Variants in JPT2 observed in about 807,000 individuals in gnomAD.
JPT2 encodes CRAMP_1 like.
Under a neutral mutation model 15.9 loss-of-function variants are expected in JPT2, and 9 were observed. The observed-to-expected ratio is 0.57, with a 90% CI of 0.34 to 0.99. The LOEUF (loss-of-function observed/expected upper bound fraction) is 0.99, where lower values mean the gene tolerates loss of function less well. Among genes scored for constraint, JPT2 ranks in the 50% least tolerant of loss-of-function variants. The pLI, the probability that JPT2 is intolerant of heterozygous loss-of-function variation, is 0.02. For missense variants in JPT2, 267 were observed against 252.1 expected (o/e 1.06, Z -0.40); for synonymous variants, 95 against 91.7 (o/e 1.04, Z -0.21).
intron 2 of JPT2, among the ~76,000 whole-genome samples, chr16:1,686,940 G>A (rs771742508): frequency 3.9e-4 from 59 of 152,088 alleles, no homozygotes; most frequent in Non-Finnish European, 7.2e-4. Flanking sequence ...TTGACCAAAT[G>A]TAGAGGAAAA....
chr16:1,682,045 C>T (rs2037027098), intron 1 of JPT2, among the ~76,000 whole-genome samples: 1 of 152,222 alleles, frequency 6.6e-6, no homozygotes, highest in Non-Finnish European at 1.5e-5. Flanking sequence ...ACTGTAGAGA[C>T]CCGTGCATGT....
intron 1 of JPT2, among the ~76,000 whole-genome samples, chr16:1,683,143 A>AT (rs2037037293): frequency 6.6e-6 from 1 of 151,138 alleles, no homozygotes; most frequent in African/African-American, 2.4e-5. Context: ...CGCCCGGCTA[A>AT]TTTTTTGTAT....
At chr16:1,685,619 G>A (rs1176845636) in intron 2 of JPT2, 32 bp downstream of exon 2, 1 of 1,590,386 alleles carries the variant, frequency 6.3e-7, no homozygotes, top group East Asian at 2.2e-5. Flanking sequence ...TAATCCTTTG[G>A]CCTCCACGAT....
At chr16:1,693,021 A>T (rs1292263274) in intron 3 of JPT2, among the ~76,000 whole-genome samples, 2 of 152,234 alleles carry the variant, frequency 1.3e-5, no homozygotes, top group Non-Finnish European at 2.9e-5. Flanking sequence ...GCATCTCTGC[A>T]GCGACATCTC....
intron 3 of JPT2, among the ~76,000 whole-genome samples, chr16:1,693,445 T>C (rs537972912): frequency 6.6e-6 from 1 of 152,174 alleles, no homozygotes; most frequent in Non-Finnish European, 1.5e-5. Flanking sequence ...GAAGTATCTT[T>C]GGGGGCTTTA....
At chr16:1,686,245 C>T (rs1596506285) in intron 2 of JPT2, 1 of 151,216 alleles carries the variant, frequency 6.6e-6, no homozygotes, top group Non-Finnish European at 1.5e-5. Flanking sequence ...TGGTGGCGGG[C>T]ACCTGTAGTC....
In JPT2 at chr16:1,699,795, T is replaced by G. The variant is rs1003876949; in HGVS notation, c.*797T>G. ...AGGCGTTTGTTGTTCTCCAGTGATG[T>G]AGACAGTTCCCTTCACAAGTCACAG... On this transcript the variant is annotated 3_prime_UTR_variant, in exon 5 of 5. Coordinates refer to ENST00000248098, the MANE Select transcript of JPT2 (RefSeq NM_144570.3). 1.6e-5 allele frequency: 4 copies of G among 252,614 alleles called. No individual in the cohort carries two copies. Among genetic ancestry groups the G allele is most frequent in the African/African-American group, 8.8e-5 (4 of 45,272 alleles). The allele number at this position is 252,614 out of a possible 1,614,324, so 15.6% of individuals were successfully genotyped here.
At chr16:1,684,346 T>C (rs762670110) in intron 1 of JPT2, among the ~76,000 whole-genome samples, 2 of 152,232 alleles carry the variant, frequency 1.3e-5, no homozygotes, top group African/African-American at 2.4e-5. Flanking sequence ...CCAGTTGTTA[T>C]GAATTCAGCG....
chr16:1,696,970 T>C (rs1165009333), intron 3 of JPT2, among the ~76,000 whole-genome samples: 1 of 152,184 alleles, frequency 6.6e-6, no homozygotes, highest in Non-Finnish European at 1.5e-5. Context: ...AAGTACGTAC[T>C]CACAAGATTT....
intron 3 of JPT2, among the ~76,000 whole-genome samples, chr16:1,693,684 G>T (rs1467850771): frequency 6.6e-6 from 1 of 151,782 alleles, no homozygotes; most frequent in Admixed American, 6.6e-5. Flanking sequence ...AAGTTCTTTT[G>T]GTCCAGGACC....
rs1567472950 is a variant in JPT2, at chr16:1,699,550, CA to C, written c.*558del. ...TTGATTGCTTTTCCTCGGCAGCTTTCAAAAAACCAAATAATAATAGTTATCC... is the reference window on the plus strand; with the variant it reads ...TTGATTGCTTTTCCTCGGCAGCTTTCAAAAACCAAATAATAATAGTTATCC... On this transcript the variant is annotated 3_prime_UTR_variant, in exon 5 of 5. Transcript: ENST00000248098. The C allele has an allele frequency of 6.2e-6, 2 of 323,156 alleles. No individual in the cohort carries two copies. The highest frequency in any genetic ancestry group is 5.2e-5 in the South Asian group (2 of 38,400). 20.0% of individuals were successfully genotyped at this position (323,156 alleles called of 1,614,324 possible). A position where few individuals can be genotyped will look rare whatever the true frequency, so the allele number is the denominator to read the frequency against.
chr16:1,699,360 T>C lies in JPT2; in HGVS notation c.*362T>C, dbSNP rs1443845666. On this transcript the variant is annotated 3_prime_UTR_variant, in exon 5 of 5. Coordinates refer to ENST00000248098, the MANE Select transcript of JPT2 (RefSeq NM_144570.3). ...ATGACTGAAAGAAACCAAAACAGCC[T>C]GTCCACTGCTGCTGTGGGATGGAGG... is the stretch of plus-strand genomic sequence containing the variant. The C allele has an allele frequency of 2.1e-6, 1 of 471,212 alleles. No homozygotes were observed. The highest frequency in any genetic ancestry group is 2.0e-5 in the African/African-American group (1 of 51,090). 29.2% of individuals were successfully genotyped at this position (471,212 alleles called of 1,614,324 possible).
intron 2 of JPT2, among the ~76,000 whole-genome samples, chr16:1,691,190 C>T (rs1004700973): frequency 2.6e-5 from 4 of 152,188 alleles, no homozygotes; most frequent in South Asian, 2.1e-4. Flanking sequence ...ATGTTAGGCA[C>T]GGGCATTTAT....
chr16:1,684,629 A>G (rs2037050799), intron 1 of JPT2, among the ~76,000 whole-genome samples: 1 of 152,100 alleles, frequency 6.6e-6, no homozygotes, highest in Admixed American at 6.5e-5. Context: ...AATCCTAGCT[A>G]CGTGGGAGGC....
chr16:1,692,182 C>G (rs2037108300), intron 3 of JPT2, 197 bp downstream of exon 3: 3 of 698,604 alleles, frequency 4.3e-6, no homozygotes. Flanking sequence ...CTTGTGCTGA[C>G]TGAAGCCGTG....
intron 2 of JPT2, among the ~76,000 whole-genome samples, chr16:1,687,449 A>G (rs1441084907): frequency 6.6e-6 from 1 of 152,174 alleles, no homozygotes; most frequent in Non-Finnish European, 1.5e-5. Flanking sequence ...GGATAGCAGA[A>G]TAATATATCG....
At chr16:1,685,922 G>T in intron 2 of JPT2, 1 of 217,052 alleles carries the variant, frequency 4.6e-6, no homozygotes, top group Non-Finnish European at 9.1e-6. Flanking sequence ...AAATTATTGT[G>T]CATTTAAACA....
intron 1 of JPT2, among the ~76,000 whole-genome samples, chr16:1,678,994 C>T (rs1290513036): frequency 6.6e-6 from 1 of 152,232 alleles, no homozygotes. Flanking sequence ...GGATGGCGCT[C>T]CTGGGCTTCG....
chr16:1,679,556 G>A (rs1030650864), intron 1 of JPT2, among the ~76,000 whole-genome samples: 1 of 151,914 alleles, frequency 6.6e-6, no homozygotes, highest in African/African-American at 2.4e-5. Context: ...AATTAGCCAG[G>A]CGTGGTGGTG....
Sources: gnomAD v4.1 joint callset for allele counts (sites outside exome capture counted in the v4.1 genomes callset) on GRCh38, gnomAD v4.1.1 for gene constraint, MANE v1.5 for transcripts, NCBI Gene and HGNC (gene_info 2026-07-23, HGNC 2026-07-21) for gene names.